CYBRD1: variants seen among roughly 807,000 people sequenced by gnomAD.
CYBRD1 encodes the protein plasma membrane ascorbate-dependent reductase CYBRD1.
A neutral mutation model predicts 21.9 loss-of-function variants in CYBRD1; 14 were observed. That is an observed-to-expected ratio of 0.64 (90% confidence interval 0.42 to 1.00). The LOEUF (loss-of-function observed/expected upper bound fraction) is 1.00. CYBRD1 is among the 50% of genes least tolerant of loss of function. The probability of loss-of-function intolerance (pLI) is 0.00; values close to 1 mark genes in which losing one functional copy is unlikely to be tolerated. For synonymous variants in CYBRD1, 146 were observed against 136.5 expected (o/e 1.07, Z -0.48); for missense variants, 328 against 352.5 (o/e 0.93, Z 0.56).
chr2:171,545,008 G>A (rs1427819810), intron 2 of CYBRD1, among the ~76,000 whole-genome samples: 1 of 151,906 alleles, frequency 6.6e-6, no homozygotes, highest in East Asian at 1.9e-4. Flanking sequence ...CTCTGGTGGT[G>A]CACACCTGTG....
chr2:171,525,234 G>A (rs774373962), intron 1 of CYBRD1, among the ~76,000 whole-genome samples: 1 of 152,134 alleles, frequency 6.6e-6, no homozygotes, highest in African/African-American at 2.4e-5. Flanking sequence ...CACAGTACCC[G>A]GCCGATCTTG....
At chr2:171,541,361 G>T (rs1474849586) in intron 1 of CYBRD1, among the ~76,000 whole-genome samples, 1 of 152,052 alleles carries the variant, frequency 6.6e-6, no homozygotes, top group Non-Finnish European at 1.5e-5. Flanking sequence ...AGGCACCAAG[G>T]TTCATTCACA....
Position 171,531,359 on chromosome 2 carries a change from A to G in CYBRD1, c.193+8621A>G, listed in dbSNP as rs140869959. ...CATATTTATTAAGTACTTACTGTGT[A>G]CCAGACACTGTGTAAAACAAGTAAG... On this transcript the variant is annotated intron_variant, in intron 1 of 3. Coordinates refer to ENST00000321348, the MANE Select transcript of CYBRD1 (RefSeq NM_024843.4). Among the ~76,000 whole-genome samples the G allele has an allele frequency of 7.6e-3, 1,154 of 152,242 alleles. 14 individuals carry two copies. Among genetic ancestry groups the G allele is most frequent in the African/African-American group, 0.026 (1,099 of 41,520 alleles).
intron 2 of CYBRD1, among the ~76,000 whole-genome samples, chr2:171,548,615 C>T (rs1028871386): frequency 8.0e-6 from 1 of 125,760 alleles, no homozygotes; most frequent in Non-Finnish European, 1.6e-5. Context: ...CTACAGTTTA[C>T]TTGAAAGCTC....
intron 2 of CYBRD1, among the ~76,000 whole-genome samples, chr2:171,546,536 C>T (rs887863560): frequency 4.5e-4 from 68 of 152,134 alleles, no homozygotes; most frequent in Admixed American, 4.4e-3. Flanking sequence ...TTCATATATT[C>T]AGCAGTGAAC....
intron 1 of CYBRD1, among the ~76,000 whole-genome samples, chr2:171,533,828 G>T (rs1279884514): frequency 2.1e-5 from 3 of 144,816 alleles, no homozygotes; most frequent in Non-Finnish European, 4.5e-5. Flanking sequence ...TTGGAGTGCA[G>T]TGGCTCACTG....
chr2:171,530,145 G>A (rs781066842), intron 1 of CYBRD1, among the ~76,000 whole-genome samples: 23 of 152,308 alleles, frequency 1.5e-4, no homozygotes, highest in African/African-American at 4.8e-4. Context: ...CCTAGAGGCC[G>A]AAGAGGGTAT....
intron 1 of CYBRD1, among the ~76,000 whole-genome samples, chr2:171,528,529 C>T (rs901464244): frequency 3.3e-5 from 5 of 151,832 alleles, no homozygotes; most frequent in African/African-American, 9.7e-5. Flanking sequence ...TTCCTGATGA[C>T]GGCAGGTTAG....
At chr2:171,539,488 A>G (rs1697596136) in intron 1 of CYBRD1, among the ~76,000 whole-genome samples, 1 of 152,110 alleles carries the variant, frequency 6.6e-6, no homozygotes, top group Non-Finnish European at 1.5e-5. Context: ...GAAAAGAAAT[A>G]TACGTGATAC....
At chr2:171,525,647 TTCTTC>T (rs1446229734) in intron 1 of CYBRD1, among the ~76,000 whole-genome samples, 1 of 152,168 alleles carries the variant, frequency 6.6e-6, no homozygotes, top group African/African-American at 2.4e-5. Context: ...TGTATTGGAG[TTCTTC>T]TCTTCTGTAA....
At chr2:171,532,304 G>A (rs1379668548) in intron 1 of CYBRD1, among the ~76,000 whole-genome samples, 2 of 152,202 alleles carry the variant, frequency 1.3e-5, no homozygotes, top group Admixed American at 1.3e-4. Flanking sequence ...AGCACACCAT[G>A]TTTAAGTAGA....
intron 2 of CYBRD1, among the ~76,000 whole-genome samples, chr2:171,551,680 T>C (rs1318161676): frequency 2.6e-5 from 4 of 152,238 alleles, no homozygotes; most frequent in African/African-American, 4.8e-5. Flanking sequence ...CCTGTTTTTT[T>C]AGCCTTCTCC....
At chr2:171,547,485 G>A (rs1022122377) in intron 2 of CYBRD1, among the ~76,000 whole-genome samples, 30 of 150,848 alleles carry the variant, frequency 2.0e-4, no homozygotes, top group African/African-American at 7.3e-4. Context: ...AGAAGTTTGG[G>A]CTTATGGAAA....
intron 1 of CYBRD1, among the ~76,000 whole-genome samples, chr2:171,523,929 T>C (rs1002640563): frequency 1.3e-5 from 2 of 152,228 alleles, no homozygotes; most frequent in Non-Finnish European, 2.9e-5. Flanking sequence ...TGGAAAGATA[T>C]GCCCACTGGC....
At chr2:171,543,851 T>C (rs1697673236) in intron 2 of CYBRD1, among the ~76,000 whole-genome samples, 1 of 152,206 alleles carries the variant, frequency 6.6e-6, no homozygotes, top group Non-Finnish European at 1.5e-5. Context: ...GCCACAAATT[T>C]ACTTACCTGT....
At chr2:171,532,386 C>T (rs969150575) in intron 1 of CYBRD1, among the ~76,000 whole-genome samples, 6 of 152,208 alleles carry the variant, frequency 3.9e-5, no homozygotes, top group African/African-American at 1.4e-4. Flanking sequence ...TTTGAATTCA[C>T]TTCAAGTTGT....
At chr2:171,548,259 C>G (rs562681321) in intron 2 of CYBRD1, among the ~76,000 whole-genome samples, 1 of 152,144 alleles carries the variant, frequency 6.6e-6, no homozygotes, top group South Asian at 2.1e-4. Context: ...AAGACAGATT[C>G]TCAGCTTCCA....
chr2:171,529,887 C>T (rs1697439143), intron 1 of CYBRD1, among the ~76,000 whole-genome samples: 1 of 152,162 alleles, frequency 6.6e-6, no homozygotes, highest in Non-Finnish European at 1.5e-5. Context: ...ATGTCTAAAT[C>T]CTAATCCCAG....
intron 2 of CYBRD1, among the ~76,000 whole-genome samples, chr2:171,542,540 T>A (rs10171386): frequency 0.47 from 71,095 of 151,894 alleles, 17,110 homozygotes; most frequent in African/African-American, 0.57. Context: ...AGAGAGAGAC[T>A]GATCTAACAA....
Sources: allele counts gnomAD v4.1 joint callset (sites outside exome capture counted in the v4.1 genomes callset), GRCh38; gene constraint gnomAD v4.1.1; transcripts MANE v1.5; gene names NCBI Gene and HGNC (gene_info 2026-07-23, HGNC 2026-07-21).